GLIS2: variants seen among roughly 807,000 people sequenced by gnomAD.
GLIS2 encodes GLIS family zinc finger 2.
GLIS2 carries 14 observed loss-of-function variants against 35.6 expected under a neutral mutation model. The observed-to-expected ratio is 0.39, with a 90% CI of 0.26 to 0.61. GLIS2 has a LOEUF of 0.61. Ranked by LOEUF, GLIS2 falls within the 20% of genes least tolerant of loss-of-function variation. The pLI is 0.48. For missense variants in GLIS2, 675 were observed against 713.4 expected (o/e 0.95, Z 0.61); for synonymous variants, 368 against 325.1 (o/e 1.13, Z -1.42).
chr16:4,322,683 G>C (rs968235328), intron 1 of GLIS2, among the ~76,000 whole-genome samples: 15 of 150,228 alleles, frequency 1.0e-4, no homozygotes, highest in African/African-American at 2.9e-4. Context: ...GGTCCGGTTC[G>C]ATCTAGCAGG....
At chr16:4,330,549 G>T (rs947630887) in intron 1 of GLIS2, among the ~76,000 whole-genome samples, 1 of 152,186 alleles carries the variant, frequency 6.6e-6, no homozygotes, top group African/African-American at 2.4e-5. Flanking sequence ...AGGGAGGGCG[G>T]TGGGGCCCCT....
At chr16:4,327,690 G>C (rs1050145570) in intron 1 of GLIS2, among the ~76,000 whole-genome samples, 12 of 151,910 alleles carry the variant, frequency 7.9e-5, no homozygotes, top group Admixed American at 6.6e-5. Flanking sequence ...CACCCTCCGG[G>C]TGACCCCCGC....
At position 4,320,655 on chromosome 16, in the gene GLIS2, G is replaced by C. The variant is rs1327864950; in HGVS notation, c.-67+4401G>C. Among the ~76,000 whole-genome samples, 1 of 152,196 alleles carries C rather than the reference G, an allele frequency of 6.6e-6. No homozygotes were observed. On this transcript the variant is annotated intron_variant, in intron 1 of 6. Transcript: ENST00000433375. The surrounding 1 kb of genome is among the most constrained non-coding windows in gnomAD (Gnocchi z 5.6). The stretch of plus-strand genomic sequence containing the variant: ...TTCCCTGCATCGTCTGCCTGGGGCT[G>C]TCTAGCAAGTCCCGGCCTGCCTGGG...
At position 4,337,047 on chromosome 16, in the gene GLIS2, C is replaced by A; in HGVS notation, c.1098C>A (p.Gly366=). 6.3e-7 allele frequency: 1 copy of A among 1,579,592 alleles called. No individual in the cohort carries two copies. The highest frequency in any genetic ancestry group is 8.6e-7 in the Non-Finnish European group (1 of 1,168,140). Reference sequence around the variant, plus strand: ...CAGCTGCCCTCTTTGGAGGCCCTGGCCTGCCCGGCTTACCCCTACCCCTGG... The same window carrying A: ...CAGCTGCCCTCTTTGGAGGCCCTGGACTGCCCGGCTTACCCCTACCCCTGG... The part of the protein sequence containing the change: ...PNPAALFGGP[G]LPGLPLPLAP... Residue 366 remains glycine, a synonymous_variant, in exon 7 of 7, where the codon GGC becomes GGA. Transcript: ENST00000433375.
chr16:4,322,254 C>T (rs1489118550), intron 1 of GLIS2, among the ~76,000 whole-genome samples: 3 of 151,832 alleles, frequency 2.0e-5, no homozygotes, highest in Non-Finnish European at 2.9e-5. Flanking sequence ...CTGTGGCTCC[C>T]CAGTGCCCTC....
intron 1 of GLIS2, among the ~76,000 whole-genome samples, chr16:4,325,929 T>TAA (rs58290393): frequency 0.02 from 809 of 40,128 alleles, 129 homozygotes; most frequent in African/African-American, 0.063. Context: ...CTCTGTGTCT[T>TAA]AAAAAAAAAA....
rs367904664 is a variant in GLIS2 at position 4,320,499 on chromosome 16, G to C, written c.-67+4245G>C. Among the ~76,000 whole-genome samples the C allele has an allele frequency of 1.9e-3, 294 of 152,184 alleles. 2 individuals are homozygous for C. The highest frequency in any genetic ancestry group is 6.6e-3 in the African/African-American group (272 of 41,440). On this transcript the variant is annotated intron_variant, in intron 1 of 6. Transcript: ENST00000433375. This position sits in a 1 kb window ranked among gnomAD's most constrained non-coding sequence, Gnocchi z 5.6. Reference sequence around the variant, plus strand: ...CGGGGAAGAACAGAGGGGAACTGGAGTCTGGGGCTGTCTGGCCCTGACCCC... The same window carrying C: ...CGGGGAAGAACAGAGGGGAACTGGACTCTGGGGCTGTCTGGCCCTGACCCC...
rs185211272 is a variant in GLIS2, at chr16:4,318,723, G to A, written c.-67+2469G>A. ...CACCCTCCTTCCCGGCCTGGCCTTG[G>A]CCCCGGGCGGTGGGAGTGTCCTCTC... On this transcript the variant is annotated intron_variant, in intron 1 of 6. Coordinates refer to ENST00000433375, the MANE Select transcript of GLIS2 (RefSeq NM_032575.3). Among the ~76,000 whole-genome samples, 4 of 152,342 alleles carry A rather than the reference G, an allele frequency of 2.6e-5. No homozygotes were observed. In the East Asian group the frequency reaches 5.8e-4, roughly 22 times the overall value.
At chr16:4,322,161 G>C (rs2053385740) in intron 1 of GLIS2, among the ~76,000 whole-genome samples, 1 of 151,596 alleles carries the variant, frequency 6.6e-6, no homozygotes, top group Admixed American at 6.6e-5. Flanking sequence ...GGGATCCTGA[G>C]GAAGGGGGGT....
At chr16:4,327,708 T>C (rs809191) in intron 1 of GLIS2, among the ~76,000 whole-genome samples, 1 of 149,998 alleles carries the variant, frequency 6.7e-6, no homozygotes, top group Non-Finnish European at 1.5e-5. Flanking sequence ...CGCCCTGCGG[T>C]GGGTGGGAAG....
rs781458143 is a variant in GLIS2, at chr16:4,338,158, C to T, written c.*634C>T. The stretch of plus-strand genomic sequence containing the variant: ...AGGAGGAGGCCCGCTCTGCAGCCGC[C>T]GTCCTCACCCCAGGCCAGGCCTGCA... On this transcript the variant is annotated 3_prime_UTR_variant, in exon 7 of 7. Coordinates refer to ENST00000433375, the MANE Select transcript of GLIS2 (RefSeq NM_032575.3). 3.2e-5 allele frequency: 5 copies of T among 157,834 alleles called. No individual in the cohort carries two copies. Among genetic ancestry groups the T allele is most frequent in the African/African-American group, 9.6e-5 (4 of 41,468 alleles). 9.8% of individuals were successfully genotyped at this position (157,834 alleles called of 1,614,324 possible).
intron 1 of GLIS2, among the ~76,000 whole-genome samples, chr16:4,324,952 C>A (rs1450132688): frequency 6.6e-6 from 1 of 152,174 alleles, no homozygotes. Context: ...CTGCCTGGGG[C>A]CCCCAGCAGG....
intron 1 of GLIS2, among the ~76,000 whole-genome samples, chr16:4,328,023 C>T (rs1458825580): frequency 2.0e-5 from 3 of 152,288 alleles, no homozygotes; most frequent in African/African-American, 7.2e-5. Context: ...GCTGTCCCAC[C>T]GGGGGGAAAC....
chr16:4,336,523 G>C, intron 6 of GLIS2: 1 of 664,008 alleles, frequency 1.5e-6, no homozygotes, highest in South Asian at 1.7e-5. Context: ...CAGAGCTGGA[G>C]TCAACCAGGC....
At chr16:4,324,521 G>A (rs914603233) in intron 1 of GLIS2, 1 of 152,488 alleles carries the variant, frequency 6.6e-6, no homozygotes, top group Non-Finnish European at 1.5e-5. Flanking sequence ...CTGGCTGGCA[G>A]GTGGCAGAGC....
At position 4,335,198 on chromosome 16, in the gene GLIS2, G is replaced by A; in HGVS notation, c.656+5G>A. On this transcript the variant is annotated splice_donor_5th_base_variant and intron_variant, in intron 5 of 6. Transcript: ENST00000433375. This position sits in a 1 kb window ranked among gnomAD's most constrained non-coding sequence, Gnocchi z 4.6. ...TGGCCGAGGTTTCAACGCCAGGTGA[G>A]GTGGGGGAGAGAGGGGTAGAGGGAG... 1 of 1,613,560 alleles carries A rather than the reference G, an allele frequency of 6.2e-7. No homozygotes were observed. The highest frequency in any genetic ancestry group is 8.5e-7 in the Non-Finnish European group (1 of 1,180,028).
intron 4 of GLIS2, 21 bp downstream of exon 4, chr16:4,334,998 G>A: frequency 6.2e-7 from 1 of 1,613,304 alleles, no homozygotes; most frequent in Non-Finnish European, 8.5e-7. Flanking sequence ...GCCAGCAAGA[G>A]TAGTGTGGAG....
chr16:4,318,103 G>A (rs1028369639), intron 1 of GLIS2, among the ~76,000 whole-genome samples: 2 of 152,194 alleles, frequency 1.3e-5, no homozygotes, highest in African/African-American at 4.8e-5. Flanking sequence ...CAGACAGTGA[G>A]TCACCCCACT....
In GLIS2 at chr16:4,337,070, TGGCCCCC is replaced by T; in HGVS notation, c.1129_1135del (p.Gly377LeufsTer145). 6.5e-7 allele frequency: 1 copy of T among 1,542,782 alleles called. No homozygotes were observed. Among genetic ancestry groups the T allele is most frequent in the Non-Finnish European group, 8.7e-7 (1 of 1,149,290 alleles). On this transcript the variant is annotated frameshift_variant, in exon 7 of 7. Coordinates refer to ENST00000433375, the MANE Select transcript of GLIS2 (RefSeq NM_032575.3). LOFTEE classifies it high-confidence loss of function. ...GGCCTGCCCGGCTTACCCCTACCCC[TGGCCCCC>T]GGCCCCCTTGACCTCAGTGCCCTGG... is the stretch of plus-strand genomic sequence containing the variant.
Sources: allele counts gnomAD v4.1 joint callset (sites outside exome capture counted in the v4.1 genomes callset), GRCh38; gene constraint gnomAD v4.1.1; non-coding constraint Gnocchi (gnomAD v3.1); transcripts MANE v1.5; gene names NCBI Gene and HGNC (gene_info 2026-07-23, HGNC 2026-07-21).